Variants in OR5T2 observed in about 807,000 individuals in gnomAD.
OR5T2 encodes olfactory receptor family 5 subfamily T member 2, also known as olfactory receptor 5T2.
Under a neutral mutation model 13.7 loss-of-function variants are expected in OR5T2, and 12 were observed. That is an observed-to-expected ratio of 0.88 (90% CI 0.56 to 1.42). The LOEUF (loss-of-function observed/expected upper bound fraction) is 1.42. Ranked by LOEUF, OR5T2 falls within the 40% of genes most tolerant of loss-of-function variation. The probability of loss-of-function intolerance (pLI) is 0.00; values close to 1 mark genes in which losing one functional copy is unlikely to be tolerated. For synonymous variants in OR5T2, 146 were observed against 139.5 expected (o/e 1.05, Z -0.33); for missense variants, 475 against 372.0 (o/e 1.28, Z -2.28).
intron 1 of OR5T2, 39 bp from the exon 2 acceptor site, chr11:56,233,303 G>A: frequency 2.6e-6 from 2 of 758,232 alleles, no homozygotes; most frequent in African/African-American, 3.5e-5. Context: ...TTCATTAGTT[G>A]GCTGGACTTA....
In OR5T2 at chr11:56,232,152, CCAAA is replaced by C. The variant is rs771227547; in HGVS notation, c.907_910del (p.Phe303GlyfsTer18). 1.3e-5 allele frequency: 21 copies of C among 1,575,522 alleles called. No individual in the cohort carries two copies. The East Asian group carries it at 2.0e-4, about 15-fold the overall frequency. ...TACTTTATTGATAACCTGATTTTTC[CCAAA>C]CATTTTTTTCATTGAGTCTTTTACA... On this transcript the variant is annotated frameshift_variant, in exon 2 of 2. Coordinates refer to ENST00000641661, the MANE Select transcript of OR5T2 (RefSeq NM_001004746.4). LOFTEE classifies it high-confidence loss of function.
At chr11:56,233,961 T>A (rs898053392) in intron 1 of OR5T2, among the ~76,000 whole-genome samples, 1 of 151,896 alleles carries the variant, frequency 6.6e-6, no homozygotes, top group South Asian at 2.1e-4. Context: ...TAGTCAAAGA[T>A]TCAGAGTTAT....
rs1853336673 is a variant in OR5T2, at chr11:56,234,220, G to C, written c.-246C>G. ...CAACTTTCATAGCTAACAATTTCCAGAGCCAAGATTCAATCCCAGGTTTCT... is the reference window on the plus strand; with the variant it reads ...CAACTTTCATAGCTAACAATTTCCACAGCCAAGATTCAATCCCAGGTTTCT... On this transcript the variant is annotated 5_prime_UTR_variant, in exon 1 of 2. Transcript: ENST00000641661. The C allele has an allele frequency of 6.6e-6, 1 of 151,896 alleles. No homozygotes were observed. The highest frequency in any genetic ancestry group is 2.4e-5 in the African/African-American group (1 of 41,388). 9.4% of individuals were successfully genotyped at this position (151,896 alleles called of 1,614,324 possible). A position where few individuals can be genotyped will look rare whatever the true frequency, so the allele number is the denominator to read the frequency against.
At chr11:56,233,988 T>C (rs2134766265) in intron 1 of OR5T2, among the ~76,000 whole-genome samples, 189 bp downstream of exon 1, 1 of 152,144 alleles carries the variant, frequency 6.6e-6, no homozygotes, top group East Asian at 1.9e-4. Context: ...AAAATCACTA[T>C]GATTCTTGAA....
In OR5T2 at chr11:56,233,224, A is replaced by G; in HGVS notation, c.-162T>C. The G allele has an allele frequency of 6.9e-7, 1 of 1,452,528 alleles. No homozygotes were observed. The highest frequency in any genetic ancestry group is 9.1e-7 in the Non-Finnish European group (1 of 1,100,004). 90.0% of individuals were successfully genotyped at this position (1,452,528 alleles called of 1,614,324 possible). On this transcript the variant is annotated 5_prime_UTR_variant, in exon 2 of 2. Coordinates refer to ENST00000641661, the MANE Select transcript of OR5T2 (RefSeq NM_001004746.4). ...CATAATTCTCTAGTAGTGAATCAGAAGACAGTGACAAACTGGTCAGCCATG... is the reference window on the plus strand; with the variant it reads ...CATAATTCTCTAGTAGTGAATCAGAGGACAGTGACAAACTGGTCAGCCATG...
Position 56,232,616 on chromosome 11 carries a change from A to G in OR5T2, c.447T>C (p.Ala149=), listed in dbSNP as rs758380541. Residue 149 remains alanine, a synonymous_variant, in exon 2 of 2, where the codon GCT becomes GCC. Transcript: ENST00000641661. ...TATGTATAGTAGCATGTAAAATGCC[A>G]GCAACATAGGAAGCATTGATGAGTG... ...YMPLINASYV[A]GILHATIHTV... 1.2e-6 allele frequency: 2 copies of G among 1,614,162 alleles called. No individual in the cohort carries two copies. Among genetic ancestry groups the G allele is most frequent in the Non-Finnish European group, 1.7e-6 (2 of 1,180,002 alleles).
chr11:56,233,203 A>G lies in OR5T2; in HGVS notation c.-141T>C. ...TACGACATATATTCAGCAGTGCATA[A>G]TTCTCTAGTAGTGAATCAGAAGACA... On this transcript the variant is annotated 5_prime_UTR_variant, in exon 2 of 2. Coordinates refer to ENST00000641661, the MANE Select transcript of OR5T2 (RefSeq NM_001004746.4). 3 of 1,482,810 alleles carry G rather than the reference A, an allele frequency of 2.0e-6. No homozygotes were observed. Among genetic ancestry groups the G allele is most frequent in the Non-Finnish European group, 2.7e-6 (3 of 1,115,144 alleles). The allele number at this position is 1,482,810 out of a possible 1,614,324, so 91.9% of individuals were successfully genotyped here.
chr11:56,232,155 A>G lies in OR5T2; in HGVS notation c.908T>C (p.Phe303Ser). The G allele has an allele frequency of 6.3e-7, 1 of 1,578,966 alleles. No individual in the cohort carries two copies. The highest frequency in any genetic ancestry group is 1.4e-5 in the African/African-American group (1 of 73,118). ...KDVKDSMKKM[F>S]GKNQVINKVY... is the part of the protein sequence containing the mutation. Reference sequence around the variant, plus strand: ...TTTATTGATAACCTGATTTTTCCCAAACATTTTTTTCATTGAGTCTTTTAC... The same window carrying G: ...TTTATTGATAACCTGATTTTTCCCAGACATTTTTTTCATTGAGTCTTTTAC... Residue 303 changes from phenylalanine (F) to serine (S), a missense_variant, in exon 2 of 2, where the codon TTT (phenylalanine) becomes TCT (serine). Coordinates refer to ENST00000641661, the MANE Select transcript of OR5T2 (RefSeq NM_001004746.4).
chr11:56,233,921 T>C (rs1214054666), intron 1 of OR5T2, among the ~76,000 whole-genome samples: 3 of 151,876 alleles, frequency 2.0e-5, no homozygotes, highest in Admixed American at 6.6e-5. Context: ...ATAAGTTATA[T>C]TGGGTAAAAA....
Position 56,232,268 on chromosome 11 carries a change from A to G in OR5T2, c.795T>C (p.Ala265=), listed in dbSNP as rs1853294392. 6.2e-7 allele frequency: 1 copy of G among 1,612,990 alleles called. No homozygotes were observed. The highest frequency in any genetic ancestry group is 8.5e-7 in the Non-Finnish European group (1 of 1,179,470). The part of the protein sequence containing the change: ...FMYVRPSSSY[A]SDHDMIVSIF... ...TTGACACTATCATGTCATGGTCCGAAGCATAGCTGGAACTTGGTCTCACAT... is the reference window on the plus strand; with the variant it reads ...TTGACACTATCATGTCATGGTCCGAGGCATAGCTGGAACTTGGTCTCACAT... The change falls in exon 2 of 2, where the codon GCT becomes GCC. Residue 265 remains alanine, a synonymous_variant. Coordinates refer to ENST00000641661, the MANE Select transcript of OR5T2 (RefSeq NM_001004746.4).
In OR5T2 at chr11:56,232,403, C is replaced by T. The variant is rs1853297865; in HGVS notation, c.660G>A (p.Leu220=). The T allele has an allele frequency of 4.3e-6, 7 of 1,610,594 alleles. No homozygotes were observed. Among genetic ancestry groups the T allele is most frequent in the Admixed American group, 1.7e-5 (1 of 59,892 alleles). Residue 220 remains leucine, a synonymous_variant, in exon 2 of 2, where the codon CTG becomes CTA. Coordinates refer to ENST00000641661, the MANE Select transcript of OR5T2 (RefSeq NM_001004746.4). ...LIVLISYGLI[L]LAILKMYSAE... ...CAGAATACATCTTCAGAATGGCCAA[C>T]AGAATCAAACCATAGGAGATCAGAA...
At position 56,233,056 on chromosome 11, in the gene OR5T2, T is replaced by G; in HGVS notation, c.7A>C (p.Asn3His). 6.2e-7 allele frequency: 1 copy of G among 1,606,638 alleles called. No homozygotes were observed. The highest frequency in any genetic ancestry group is 8.5e-7 in the Non-Finnish European group (1 of 1,174,138). Residue 3 changes from asparagine to histidine, a missense_variant, in exon 2 of 2, where the codon AAT (asparagine) becomes CAT (histidine). Physicochemically the swap from Asn to His is moderately conservative, Grantham distance 68. Transcript: ENST00000641661. MKNVTEVTLFVLK... is the reference protein window; with the variant it reads MKHVTEVTLFVLK... ...ACAAATAAGGTAACTTCAGTGACAT[T>G]CTTCATGTTGAAATCTAGAACAAAC...
At chr11:56,233,655 G>A (rs1853328684) in intron 1 of OR5T2, among the ~76,000 whole-genome samples, 1 of 151,972 alleles carries the variant, frequency 6.6e-6, no homozygotes, top group South Asian at 2.1e-4. Context: ...GCTGAATTAA[G>A]TTGGTTCTAC....
In OR5T2 at chr11:56,232,990, A is replaced by T; in HGVS notation, c.73T>A (p.Phe25Ile). ...TAGATTGCTAGAAACAGGAAGAAGA[A>T]GATAGTCTGCAGTTCAAGATTGTCT... is the stretch of plus-strand genomic sequence containing the variant. ...FTDNLELQTIFFFLFLAIYLF... is the reference protein window; with the variant it reads ...FTDNLELQTIIFFLFLAIYLF... The change falls in exon 2 of 2, where the codon TTC becomes ATC. Residue 25 changes from phenylalanine (F) to isoleucine (I), a missense_variant. Transcript: ENST00000641661. 6.2e-7 allele frequency: 1 copy of T among 1,606,994 alleles called. No homozygotes were observed. The highest frequency in any genetic ancestry group is 8.5e-7 in the Non-Finnish European group (1 of 1,176,422).
chr11:56,233,341 T>C (rs970576436), intron 1 of OR5T2, 77 bp from the exon 2 acceptor site: 3 of 525,552 alleles, frequency 5.7e-6, no homozygotes, highest in Non-Finnish European at 9.8e-6. Flanking sequence ...TCAGGTCTAC[T>C]GGTTAATTTA....
chr11:56,232,920 A>G lies in OR5T2; in HGVS notation c.143T>C (p.Ile48Thr), dbSNP rs1335038424. 4 of 1,612,230 alleles carry G rather than the reference A, an allele frequency of 2.5e-6. No homozygotes were observed. The highest frequency in any genetic ancestry group is 1.7e-4 in the Middle Eastern group (1 of 6,044). ...GGGTTTGTGGAGCTGGGAATCCCTA[A>G]TGACCACTAAAATCAGTCCTAAATT... ...MGNLGLILVV[I>T]RDSQLHKPMY... Residue 48 changes from isoleucine to threonine, a missense_variant, in exon 2 of 2, where the codon ATT (isoleucine) becomes ACT (threonine). By Grantham distance (89) the Ile-to-Thr change is moderately conservative. Coordinates refer to ENST00000641661, the MANE Select transcript of OR5T2 (RefSeq NM_001004746.4).
chr11:56,231,835 A>C lies in OR5T2; in HGVS notation c.*271T>G. ...GCATCAGCATTCCCTCCCCGAAGGT[A>C]TAGGGTGGGACTCTCTCATGGGAGA... is the stretch of plus-strand genomic sequence containing the variant. On this transcript the variant is annotated 3_prime_UTR_variant, in exon 2 of 2. Coordinates refer to ENST00000641661, the MANE Select transcript of OR5T2 (RefSeq NM_001004746.4). 2 of 259,492 alleles carry C rather than the reference A, an allele frequency of 7.7e-6. No homozygotes were observed. Among genetic ancestry groups the C allele is most frequent in the Non-Finnish European group, 7.2e-6 (1 of 139,542 alleles). 16.1% of individuals were successfully genotyped at this position (259,492 alleles called of 1,614,324 possible).
chr11:56,232,613 GC>G lies in OR5T2; in HGVS notation c.449del (p.Gly150AlafsTer61). ...CTGTATGTATAGTAGCATGTAAAAT[GC>G]CAGCAACATAGGAAGCATTGATGAG... ...MPLINASYVA[G>X]ILHATIHTVA... On this transcript the variant is annotated frameshift_variant, in exon 2 of 2. Coordinates refer to ENST00000641661, the MANE Select transcript of OR5T2 (RefSeq NM_001004746.4). LOFTEE classifies it high-confidence loss of function. 6.2e-7 allele frequency: 1 copy of G among 1,614,074 alleles called. No homozygotes were observed. Among genetic ancestry groups the G allele is most frequent in the Non-Finnish European group, 8.5e-7 (1 of 1,179,960 alleles).
rs1289858059 is a variant in OR5T2 at position 56,234,217 on chromosome 11, C to T, written c.-243G>A. 1.3e-5 allele frequency: 2 copies of T among 152,028 alleles called. No homozygotes were observed. The highest frequency in any genetic ancestry group is 1.3e-4 in the Admixed American group (2 of 15,240). 9.4% of individuals were successfully genotyped at this position (152,028 alleles called of 1,614,324 possible). A position where few individuals can be genotyped will look rare whatever the true frequency, so the allele number is the denominator to read the frequency against. Reference sequence around the variant, plus strand: ...TAGCAACTTTCATAGCTAACAATTTCCAGAGCCAAGATTCAATCCCAGGTT... The same window carrying T: ...TAGCAACTTTCATAGCTAACAATTTTCAGAGCCAAGATTCAATCCCAGGTT... On this transcript the variant is annotated 5_prime_UTR_variant, in exon 1 of 2. Transcript: ENST00000641661.
Sources: gnomAD v4.1 joint callset for allele counts (sites outside exome capture counted in the v4.1 genomes callset) on GRCh38, gnomAD v4.1.1 for gene constraint, MANE v1.5 for transcripts, NCBI Gene and HGNC (gene_info 2026-07-23, HGNC 2026-07-21) for gene names.